The following RPS6KA6 variants were observed in gnomAD, a reference collection of about 807,000 sequenced individuals.
RPS6KA6 encodes ribosomal protein S6 kinase A6, also known as ribosomal protein S6 kinase alpha-6.
In RPS6KA6, 27 loss-of-function variants were observed where a neutral mutation model predicts 65.4. The observed-to-expected ratio is 0.41, with a 90% CI of 0.30 to 0.57. RPS6KA6 has a LOEUF of 0.57. Ranked by LOEUF, RPS6KA6 falls within the 20% of genes least tolerant of loss-of-function variation. The probability of loss-of-function intolerance (pLI) is 0.24; values close to 1 mark genes in which losing one functional copy is unlikely to be tolerated. For synonymous variants in RPS6KA6, 190 were observed against 184.2 expected (o/e 1.03, Z -0.26); for missense variants, 486 against 555.6 (o/e 0.87, Z 1.26).
intron 2 of RPS6KA6, among the ~76,000 whole-genome samples, chrX:84,159,056 G>A (rs776483989): frequency 2.7e-5 from 3 of 110,640 alleles, no homozygotes; most frequent in East Asian, 2.8e-4. Context: ...GCATACATGC[G>A]TGCACACACA....
At chrX:84,141,234 C>T (rs750830058) in intron 6 of RPS6KA6, among the ~76,000 whole-genome samples, 1 of 110,362 alleles carries the variant, frequency 9.1e-6, no homozygotes, top group South Asian at 3.8e-4. Context: ...TGTCTGTGTT[C>T]CAATAAAACT....
At chrX:84,076,246 AAATTCT>A (rs200700655) in intron 20 of RPS6KA6, among the ~76,000 whole-genome samples, 5,364 of 111,797 alleles carry the variant, frequency 0.048, 191 homozygotes, top group East Asian at 0.2. Flanking sequence ...TAAGAATAAG[AAATTCT>A]AATTCTAAAT....
At chrX:84,099,747 A>G (rs1201765276) in intron 18 of RPS6KA6, among the ~76,000 whole-genome samples, 1 of 111,410 alleles carries the variant, frequency 9.0e-6, no homozygotes, top group African/African-American at 3.2e-5. Context: ...TTTTAGAGAT[A>G]TATTCACTTT....
At chrX:84,122,361 G>GTTTTTTT (rs35459607) in intron 8 of RPS6KA6, among the ~76,000 whole-genome samples, 1 of 43,009 alleles carries the variant, frequency 2.3e-5, no homozygotes, top group African/African-American at 8.5e-5. Context: ...TTTTTTTTAA[G>GTTTTTTT]TTTTTTTTTT....
intron 1 of RPS6KA6, among the ~76,000 whole-genome samples, chrX:84,164,983 T>A (rs1288496133): frequency 9.0e-6 from 1 of 111,181 alleles, no homozygotes; most frequent in Non-Finnish European, 1.9e-5. Flanking sequence ...TAGATCAAGG[T>A]TCTACAAACT....
chrX:84,131,494 C>T (rs1174960665), intron 8 of RPS6KA6, among the ~76,000 whole-genome samples: 1 of 112,000 alleles, frequency 8.9e-6, no homozygotes, highest in African/African-American at 3.2e-5. Context: ...ATCTAGTCTT[C>T]GAGGTCAGTT....
At chrX:84,148,208 A>G in intron 3 of RPS6KA6, 85 bp from the exon 4 acceptor site, 1 of 498,855 alleles carries the variant, frequency 2.0e-6, no homozygotes, top group Non-Finnish European at 3.3e-6. Flanking sequence ...GCATACACTT[A>G]TATCCTTGCA....
At chrX:84,117,283 G>GA in intron 10 of RPS6KA6, 101 bp downstream of exon 10, 1 of 651,028 alleles carries the variant, frequency 1.5e-6, no homozygotes, top group Non-Finnish European at 2.3e-6. Flanking sequence ...AAGACAGTGA[G>GA]AAAAAGGTAC....
At chrX:84,101,979 T>C (rs2064341100) in intron 18 of RPS6KA6, 58 bp downstream of exon 18, 24 of 988,147 alleles carry the variant, frequency 2.4e-5, no homozygotes, top group Non-Finnish European at 3.3e-5. Flanking sequence ...TATGGCATCA[T>C]ATAGATTCAA....
intron 12 of RPS6KA6, among the ~76,000 whole-genome samples, chrX:84,108,005 A>T (rs1483041326): frequency 2.7e-5 from 3 of 112,233 alleles, no homozygotes; most frequent in Non-Finnish European, 5.6e-5. Context: ...ATAACCATGC[A>T]AATACAGCAC....
intron 20 of RPS6KA6, among the ~76,000 whole-genome samples, chrX:84,092,116 T>C (rs956861042): frequency 9.0e-6 from 1 of 110,905 alleles, no homozygotes; most frequent in Admixed American, 9.6e-5. Flanking sequence ...GATGGGTTGA[T>C]AGGTGCAGCA....
intron 3 of RPS6KA6, among the ~76,000 whole-genome samples, chrX:84,154,969 G>A (rs755522243): frequency 2.0e-4 from 22 of 111,589 alleles, no homozygotes; most frequent in African/African-American, 6.5e-4. Flanking sequence ...GGAGGCTAAC[G>A]TGGGAAGATC....
At chrX:84,102,323 T>C (rs2034275514) in intron 17 of RPS6KA6, 125 bp from the exon 18 acceptor site, 4 of 375,519 alleles carry the variant, frequency 1.1e-5, no homozygotes, top group Non-Finnish European at 1.7e-5. Flanking sequence ...TACAAAATTT[T>C]GAAAATGACA....
intron 4 of RPS6KA6, among the ~76,000 whole-genome samples, chrX:84,147,437 G>A (rs1230377166): frequency 1.8e-5 from 2 of 110,990 alleles, no homozygotes; most frequent in African/African-American, 6.6e-5. Context: ...TTCCCGAGCA[G>A]CTGGAACTAT....
intron 12 of RPS6KA6, among the ~76,000 whole-genome samples, chrX:84,111,348 A>G (rs1361737603): frequency 9.0e-6 from 1 of 111,327 alleles, no homozygotes; most frequent in Admixed American, 9.6e-5. Flanking sequence ...GAACACCTAG[A>G]AGACACTACA....
At chrX:84,087,146 T>C (rs745601759) in intron 20 of RPS6KA6, among the ~76,000 whole-genome samples, 5 of 111,524 alleles carry the variant, frequency 4.5e-5, no homozygotes, top group African/African-American at 1.3e-4. Flanking sequence ...GAATTTAGCC[T>C]ATTTACATTT....
chrX:84,102,120 C>T lies in RPS6KA6; in HGVS notation c.1693G>A (p.Asp565Asn). 8.4e-7 allele frequency: 1 copy of T among 1,195,551 alleles called. No individual in the cohort carries two copies. Among genetic ancestry groups the T allele is most frequent in the Non-Finnish European group, 1.1e-6 (1 of 884,670 alleles). Reference sequence around the variant, plus strand: ...CGAAGTTGTTTTGCAAACCCAAAATCACATATCCTGATTGAATCTGCACTG... The same window carrying T: ...CGAAGTTGTTTTGCAAACCCAAAATTACATATCCTGATTGAATCTGCACTG... ...SASADSIRIC[D>N]FGFAKQLRGE... The change falls in exon 18 of 22, where the codon GAT becomes AAT. Residue 565 changes from aspartate (D) to asparagine (N), a missense_variant. Asp to Asn is a conservative substitution (Grantham distance 23). This residue lies in a region of RPS6KA6 where 345 missense variants were observed against 375.0 expected (regional missense o/e 0.92). Transcript: ENST00000262752.
At chrX:84,182,557 C>T (rs1035898656) in intron 1 of RPS6KA6, among the ~76,000 whole-genome samples, 9 of 111,394 alleles carry the variant, frequency 8.1e-5, no homozygotes, top group African/African-American at 2.9e-4. Flanking sequence ...AACAATATGG[C>T]CCAGAAAAGC....
chrX:84,147,144 T>C lies in RPS6KA6; in HGVS notation c.341-86A>G, dbSNP rs1387561074. On this transcript the variant is annotated intron_variant, in intron 4 of 21. Transcript: ENST00000262752. ...TCAATAATTTACCAAACAACAAATA[T>C]AAAAATACAAAACGTAACTTCCTAA... 7.3e-6 allele frequency: 4 copies of C among 547,122 alleles called. No homozygotes were observed. The East Asian group carries it at 1.5e-4, about 20-fold the overall frequency. The allele number at this position is 547,122 out of a possible 1,213,427, so 45.1% of individuals were successfully genotyped here. A position where few individuals can be genotyped will look rare whatever the true frequency, so the allele number is the denominator to read the frequency against.
Sources: allele counts gnomAD v4.1 joint callset (sites outside exome capture counted in the v4.1 genomes callset), GRCh38; gene constraint gnomAD v4.1.1; regional missense constraint gnomAD v4.1.1; transcripts MANE v1.5; gene names NCBI Gene and HGNC (gene_info 2026-07-23, HGNC 2026-07-21).